The following ATCAY variants were observed in gnomAD, a reference collection of about 807,000 sequenced individuals.
The protein encoded by ATCAY is caytaxin.
ATCAY carries 22 observed loss-of-function variants against 47.7 expected under a neutral mutation model. The observed-to-expected ratio is 0.46, with a 90% CI of 0.33 to 0.66. The LOEUF (loss-of-function observed/expected upper bound fraction) is 0.66, where lower values mean the gene tolerates loss of function less well. Among genes scored for constraint, ATCAY ranks in the 30% least tolerant of loss-of-function variants. The pLI is 0.02. For missense variants in ATCAY, 452 were observed against 515.0 expected, an observed-to-expected ratio of 0.88 and a Z score of 1.18; for synonymous variants, 216 against 207.6, an observed-to-expected ratio of 1.04 and a Z score of -0.35.
At chr19:3,916,892 C>T (rs145022273) in intron 9 of ATCAY, among the ~76,000 whole-genome samples, 152 of 151,982 alleles carry the variant, frequency 1.0e-3, no homozygotes, top group African/African-American at 3.6e-3. Flanking sequence ...ACCATATCCT[C>T]CAGCTTCTAC....
intron 2 of ATCAY, among the ~76,000 whole-genome samples, chr19:3,892,901 C>G (rs1421529484): frequency 6.7e-6 from 1 of 148,574 alleles, no homozygotes; most frequent in Non-Finnish European, 1.5e-5. Context: ...CAGCAAGACT[C>G]TGTCTCCAAA....
chr19:3,884,933 A>G (rs891719675), intron 1 of ATCAY, among the ~76,000 whole-genome samples: 14 of 149,956 alleles, frequency 9.3e-5, no homozygotes, highest in African/African-American at 3.4e-4. Flanking sequence ...CCAATCTCTT[A>G]AAAAAAGATT....
chr19:3,903,481 C>T (rs952069488), intron 3 of ATCAY, among the ~76,000 whole-genome samples: 3 of 151,934 alleles, frequency 2.0e-5, no homozygotes, highest in Non-Finnish European at 2.9e-5. Flanking sequence ...CCCCACTTAA[C>T]GACATTCAGT....
intron 12 of ATCAY, among the ~76,000 whole-genome samples, chr19:3,921,868 GCCT>G (rs1423033367): frequency 2.6e-5 from 4 of 151,188 alleles, no homozygotes; most frequent in African/African-American, 9.7e-5. Context: ...TTGCATTCCA[GCCT>G]GGGCAACAGA....
intron 2 of ATCAY, among the ~76,000 whole-genome samples, chr19:3,894,483 CAAAA>C (rs35274604): frequency 1.6e-5 from 1 of 60,854 alleles, no homozygotes; most frequent in African/African-American, 5.8e-5. Flanking sequence ...GACTCCGTCT[CAAAA>C]AAAAAAAAAA....
At chr19:3,889,488 T>G (rs974850849) in intron 2 of ATCAY, among the ~76,000 whole-genome samples, 3 of 152,000 alleles carry the variant, frequency 2.0e-5, no homozygotes, top group African/African-American at 7.2e-5. Context: ...TTTCAGCTAC[T>G]CAGGAGGCTG....
At chr19:3,918,567 A>AT (rs998077856) in intron 10 of ATCAY, among the ~76,000 whole-genome samples, 13 of 149,056 alleles carry the variant, frequency 8.7e-5, no homozygotes, top group East Asian at 2.0e-4. Context: ...AAAAAAAAAC[A>AT]AAAAAAAACA....
chr19:3,912,053 C>A (rs2038926533), intron 8 of ATCAY, among the ~76,000 whole-genome samples: 1 of 152,124 alleles, frequency 6.6e-6, no homozygotes, highest in Admixed American at 6.6e-5. Flanking sequence ...CCTCTATATT[C>A]CAGAATTCAG....
chr19:3,909,361 A>G, intron 6 of ATCAY, 125 bp from the exon 7 acceptor site: 2 of 1,116,902 alleles, frequency 1.8e-6, no homozygotes, highest in East Asian at 2.5e-5. Context: ...ACAGCAGACA[A>G]CACCTGGACC....
At chr19:3,881,872 C>CCA (rs1555765200) in intron 1 of ATCAY, among the ~76,000 whole-genome samples, 3 of 144,468 alleles carry the variant, frequency 2.1e-5, no homozygotes, top group South Asian at 4.6e-4. Flanking sequence ...CACCGCCCCC[C>CCA]CCCCGACCCC....
intron 3 of ATCAY, 73 bp from the exon 4 acceptor site, chr19:3,905,361 C>T: frequency 7.0e-7 from 1 of 1,419,434 alleles, no homozygotes; most frequent in South Asian, 1.4e-5. Context: ...ACAGCTTCCA[C>T]CAGGTAGGAA....
chr19:3,886,971 C>T (rs887399240), intron 2 of ATCAY, among the ~76,000 whole-genome samples: 9 of 152,120 alleles, frequency 5.9e-5, no homozygotes, highest in Admixed American at 2.0e-4. Flanking sequence ...CAAGAGCCAC[C>T]GCGCCCGGCC....
At chr19:3,922,685 T>C (rs2039031048) in intron 12 of ATCAY, among the ~76,000 whole-genome samples, 2 of 152,146 alleles carry the variant, frequency 1.3e-5, no homozygotes, top group African/African-American at 4.8e-5. Flanking sequence ...ACCAAACTTT[T>C]CTTTAGAATG....
chr19:3,897,240 T>C (rs2038777358), intron 2 of ATCAY, among the ~76,000 whole-genome samples: 1 of 151,558 alleles, frequency 6.6e-6, no homozygotes, highest in Non-Finnish European at 1.5e-5. Flanking sequence ...CAGTTCATTC[T>C]TCAGTCCTTT....
intron 8 of ATCAY, among the ~76,000 whole-genome samples, chr19:3,911,837 C>T (rs896204947): frequency 1.3e-5 from 2 of 152,096 alleles, no homozygotes; most frequent in African/African-American, 4.8e-5. Flanking sequence ...CCTTGAACAA[C>T]AGGACACATT....
At chr19:3,902,462 T>G in intron 2 of ATCAY, 25 bp from the exon 3 acceptor site, 4 of 1,562,782 alleles carry the variant, frequency 2.6e-6, no homozygotes, top group Non-Finnish European at 3.5e-6. Flanking sequence ...CGGCGACTGA[T>G]GCCTGTTCCT....
chr19:3,911,321 G>A (rs182102616), intron 8 of ATCAY, among the ~76,000 whole-genome samples: 12 of 151,928 alleles, frequency 7.9e-5, no homozygotes, highest in Admixed American at 2.0e-4. Flanking sequence ...AGCCGTGATC[G>A]AGCCACTGTA....
chr19:3,909,414 GGTCGGCACCGCAGGT>G (rs900327587), intron 6 of ATCAY, 57 bp from the exon 7 acceptor site: 2 of 1,518,686 alleles, frequency 1.3e-6, no homozygotes, highest in Non-Finnish European at 1.8e-6. Flanking sequence ...AGGCAGGCAG[GGTCGGCACCGCAGGT>G]GTCCTGACCC....
At position 3,917,764 on chromosome 19, in the gene ATCAY, G is replaced by C; in HGVS notation, c.988G>C (p.Ala330Pro). ...CAGATACGAAGAGGAAAGACTGAAG[G>C]CCAGGAGGGAGAGGTGTGTGCAGAG... Reference protein sequence around the residue: ...VLQYEEERLKARRESARPQPE... With the variant: ...VLQYEEERLKPRRESARPQPE... The change falls in exon 10 of 13, where the codon GCC (alanine) becomes CCC (proline). Residue 330 changes from alanine to proline, a missense_variant. Ala to Pro is a conservative substitution (Grantham distance 27). Coordinates refer to ENST00000450849, the MANE Select transcript of ATCAY (RefSeq NM_033064.5). 1 of 1,613,472 alleles carries C rather than the reference G, an allele frequency of 6.2e-7. No homozygotes were observed. The highest frequency in any genetic ancestry group is 1.1e-5 in the South Asian group (1 of 91,046).
Sources: gnomAD v4.1 joint callset for allele counts (sites outside exome capture counted in the v4.1 genomes callset) on GRCh38, gnomAD v4.1.1 for gene constraint, MANE v1.5 for transcripts, NCBI Gene and HGNC (gene_info 2026-07-23, HGNC 2026-07-21) for gene names.